Variants in ANK3 observed in about 807,000 individuals in gnomAD.
ANK3 encodes the protein ankyrin-3.
ANK3 carries 57 observed loss-of-function variants against 370.9 expected under a neutral mutation model. That is an observed-to-expected ratio of 0.15 (90% CI 0.12 to 0.19). The LOEUF (loss-of-function observed/expected upper bound fraction) is 0.19, where lower values mean the gene tolerates loss of function less well. ANK3 is among the 10% of genes least tolerant of loss of function. The probability of loss-of-function intolerance (pLI) is 1.00; values close to 1 mark genes in which losing one functional copy is unlikely to be tolerated. For missense variants in ANK3, 4,439 were observed against 5,302.1 expected, an observed-to-expected ratio of 0.84 and a Z score of 5.06; for synonymous variants, 1,929 against 1,946.3, an observed-to-expected ratio of 0.99 and a Z score of 0.23.
intron 2 of ANK3, among the ~76,000 whole-genome samples, chr10:60,453,835 C>T (rs1359088895): frequency 1.3e-5 from 2 of 152,166 alleles, no homozygotes; most frequent in East Asian, 3.9e-4. Flanking sequence ...AAATTTTATG[C>T]CTAAATATTA....
intron 1 of ANK3, among the ~76,000 whole-genome samples, chr10:60,639,512 C>A: frequency 6.6e-6 from 1 of 151,236 alleles, no homozygotes; most frequent in Non-Finnish European, 1.5e-5. Context: ...GTAAAAATAA[C>A]AATTACATAT....
chr10:60,482,543 A>T (rs1263864564), intron 2 of ANK3, among the ~76,000 whole-genome samples: 1 of 152,176 alleles, frequency 6.6e-6, no homozygotes, highest in Non-Finnish European at 1.5e-5. Context: ...GCTGGAGTGC[A>T]GTGGCTGATC....
Position 60,070,008 on chromosome 10 carries a change from C to T in ANK3, c.10873G>A (p.Val3625Ile). 6.2e-7 allele frequency: 1 copy of T among 1,614,138 alleles called. No individual in the cohort carries two copies. ...TGGAAAAATTGGAGCCTCTCTTCAA[C>T]AAAATCCCTCTTGCTCATGTCAATT... ...GAIDMSKRDFVEERLQFFQIG... is the reference protein window; with the variant it reads ...GAIDMSKRDFIEERLQFFQIG... Residue 3625 changes from valine to isoleucine, a missense_variant, in exon 37 of 44, where the codon GTT (valine) becomes ATT (isoleucine). Val to Ile is a conservative substitution (Grantham distance 29). Around this residue, in one of 13 missense-constraint regions of ANK3, gnomAD observed 496 missense variants for 529.3 expected, o/e 0.94. Coordinates refer to ENST00000280772, the MANE Select transcript of ANK3 (RefSeq NM_020987.5). This position sits in a 1 kb window ranked among gnomAD's most constrained non-coding sequence, Gnocchi z 5.7.
At chr10:60,397,528 G>C (rs571150439) in intron 2 of ANK3, among the ~76,000 whole-genome samples, 1 of 152,078 alleles carries the variant, frequency 6.6e-6, no homozygotes, top group African/African-American at 2.4e-5. Context: ...ACATTAACAC[G>C]CAAACACAGG....
intron 2 of ANK3, among the ~76,000 whole-genome samples, chr10:60,441,046 G>A (rs1567043206): frequency 6.6e-6 from 1 of 152,160 alleles, no homozygotes; most frequent in Non-Finnish European, 1.5e-5. Flanking sequence ...ACGGGCAGGA[G>A]GGTGGGCAAG....
chr10:60,701,260 G>GA (rs954021579), intron 1 of ANK3, among the ~76,000 whole-genome samples: 23 of 149,726 alleles, frequency 1.5e-4, no homozygotes, highest in Admixed American at 3.3e-4. Context: ...AAGGCTGTGA[G>GA]AAAAAAAAAC....
chr10:60,317,326 C>T (rs369614415), intron 1 of ANK3, among the ~76,000 whole-genome samples: 12 of 151,984 alleles, frequency 7.9e-5, no homozygotes, highest in East Asian at 3.9e-4. Context: ...GGTTTTGCCA[C>T]GATAGCCAGA....
chr10:60,232,849 G>T (rs770596237), intron 8 of ANK3, among the ~76,000 whole-genome samples: 4 of 152,070 alleles, frequency 2.6e-5, no homozygotes, highest in Non-Finnish European at 4.4e-5. Flanking sequence ...ATCATCTATT[G>T]GTTGAGTAAA....
chr10:60,470,656 T>G (rs1340419083), intron 2 of ANK3, among the ~76,000 whole-genome samples: 1 of 151,928 alleles, frequency 6.6e-6, no homozygotes, highest in Non-Finnish European at 1.5e-5. Flanking sequence ...TTGACTTTGG[T>G]AACAATACCC....
At chr10:60,057,840 T>C in intron 41 of ANK3, among the ~76,000 whole-genome samples, 1 of 152,216 alleles carries the variant, frequency 6.6e-6, no homozygotes, top group Non-Finnish European at 1.5e-5. Context: ...ACATCAAAAT[T>C]AGTACTGTTT....
In ANK3 at chr10:60,571,055, GTT is replaced by G. The variant is rs35835220; in HGVS notation, c.96+44129_96+44130del. Among the ~76,000 whole-genome samples the G allele has an allele frequency of 4.1e-3, 541 of 133,492 alleles. 1 individual carries two copies. Among genetic ancestry groups the G allele is most frequent in the African/African-American group, 8.1e-3 (295 of 36,492 alleles). 87.6% of individuals were successfully genotyped at this position (133,492 alleles called of 152,430 possible). A position where few individuals can be genotyped will look rare whatever the true frequency, so the allele number is the denominator to read the frequency against. On this transcript the variant is annotated intron_variant, in intron 2 of 43. Transcript: ENST00000373827. ...TTATAAACATGAGCAAACCTGACAG[GTT>G]TTTTTTTTTTTTTTTTGAGACCAGT...
At chr10:60,454,263 T>C (rs939283782) in intron 2 of ANK3, among the ~76,000 whole-genome samples, 1 of 150,676 alleles carries the variant, frequency 6.6e-6, no homozygotes, top group Admixed American at 6.6e-5. Flanking sequence ...GACATTAAAA[T>C]GTACTGTTCT....
chr10:60,561,551 C>G (rs1453606944), intron 2 of ANK3, among the ~76,000 whole-genome samples: 1 of 152,186 alleles, frequency 6.6e-6, no homozygotes, highest in Non-Finnish European at 1.5e-5. Context: ...TATCATGTAT[C>G]CCCAGCTAAC....
At chr10:60,457,852 C>T (rs776004351) in intron 2 of ANK3, among the ~76,000 whole-genome samples, 16 of 151,908 alleles carry the variant, frequency 1.1e-4, no homozygotes, top group Non-Finnish European at 1.9e-4. Flanking sequence ...AGTCTGAGAG[C>T]GAATCAGTGA....
chr10:60,409,392 C>T (rs548229659), intron 2 of ANK3, among the ~76,000 whole-genome samples: 8 of 152,094 alleles, frequency 5.3e-5, no homozygotes, highest in African/African-American at 1.2e-4. Context: ...TAGCTCATGG[C>T]GGAGAATATC....
rs754612585 is a variant in ANK3, at chr10:60,072,025, G to A, written c.8856C>T (p.Ser2952=). 14 of 1,614,030 alleles carry A rather than the reference G, an allele frequency of 8.7e-6. No individual in the cohort carries two copies. Among genetic ancestry groups the A allele is most frequent in the Non-Finnish European group, 1.0e-5 (12 of 1,179,988 alleles). The part of the protein sequence containing the change: ...GGLLDQPSRR[S]ESSAVSHIPV... ...GAATGTGTGACACTGCTGAGCTCTC[G>A]CTCCTCCTGGAAGGCTGATCAAGCA... Residue 2952 remains serine (S), a synonymous_variant, in exon 37 of 44, where the codon AGC becomes AGT. Coordinates refer to ENST00000280772, the MANE Select transcript of ANK3 (RefSeq NM_020987.5).
At position 60,499,916 on chromosome 10, in the gene ANK3, T is replaced by C. The variant is rs12255943; in HGVS notation, c.96+115270A>G. Among the ~76,000 whole-genome samples the C allele has an allele frequency of 3.3e-3, 497 of 152,222 alleles. 4 individuals carry two copies. Among genetic ancestry groups the C allele is most frequent in the African/African-American group, 0.012 (484 of 41,528 alleles). On this transcript the variant is annotated intron_variant, in intron 2 of 43. Coordinates refer to the ANK3 transcript ENST00000373827. ...TCCCAAACCCCACCCCCAAGCCCCA[T>C]CCTATATCTACTGAATTATTTTAAA...
At chr10:60,726,709 T>C (rs7919274) in intron 1 of ANK3, among the ~76,000 whole-genome samples, 23,366 of 152,050 alleles carry the variant, frequency 0.15, 2,128 homozygotes, top group East Asian at 0.28. Flanking sequence ...TTTTCTAAAA[T>C]TAGTTTGTGG....
At chr10:60,175,752 G>A (rs1014263072) in intron 18 of ANK3, among the ~76,000 whole-genome samples, 9 of 152,166 alleles carry the variant, frequency 5.9e-5, no homozygotes, top group Non-Finnish European at 2.9e-5. Context: ...CAGGAGCCCG[G>A]GCCTCAGAGG....
Sources: allele counts gnomAD v4.1 joint callset (sites outside exome capture counted in the v4.1 genomes callset), GRCh38; gene constraint gnomAD v4.1.1; regional missense constraint gnomAD v4.1.1; non-coding constraint Gnocchi (gnomAD v3.1); transcripts MANE v1.5; gene names NCBI Gene and HGNC (gene_info 2026-07-23, HGNC 2026-07-21).